ADAMTS16: variants seen among roughly 807,000 people sequenced by gnomAD.
ADAMTS16 encodes the protein ADAM metallopeptidase with thrombospondin type 1 motif 16.
Under a neutral mutation model 145.8 loss-of-function variants are expected in ADAMTS16, and 94 were observed. The ratio of observed to expected loss-of-function variants is 0.64; its 90% CI spans 0.55 to 0.77. The LOEUF is 0.77. ADAMTS16 is among the 30% of genes least tolerant of loss of function. The pLI is 0.00. For missense variants in ADAMTS16, 1,585 were observed against 1,591.5 expected (o/e 1.00, Z 0.07); for synonymous variants, 659 against 604.3 (o/e 1.09, Z -1.33).
intron 3 of ADAMTS16, among the ~76,000 whole-genome samples, chr5:5,173,644 T>G (rs898142702): frequency 6.6e-6 from 1 of 151,998 alleles, no homozygotes; most frequent in African/African-American, 2.4e-5. Flanking sequence ...CAGCTAATTT[T>G]TTGTATTTTT....
chr5:5,240,612 C>G (rs1203453986), intron 16 of ADAMTS16, among the ~76,000 whole-genome samples: 1 of 152,186 alleles, frequency 6.6e-6, no homozygotes, highest in Non-Finnish European at 1.5e-5. Context: ...CCCCATCCAC[C>G]TACACCTTGC....
chr5:5,155,756 C>T (rs921465265), intron 3 of ADAMTS16, among the ~76,000 whole-genome samples: 2 of 152,126 alleles, frequency 1.3e-5, no homozygotes, highest in Admixed American at 1.3e-4. Flanking sequence ...AGGAAGCCCA[C>T]TGGGGACAAA....
chr5:5,274,737 G>T (rs1008338369), intron 18 of ADAMTS16, among the ~76,000 whole-genome samples: 1 of 145,394 alleles, frequency 6.9e-6, no homozygotes, highest in African/African-American at 2.6e-5. Flanking sequence ...TGCACACACA[G>T]ATATATATAT....
intron 3 of ADAMTS16, among the ~76,000 whole-genome samples, chr5:5,175,490 C>A (rs548154542): frequency 6.6e-6 from 1 of 152,294 alleles, no homozygotes; most frequent in South Asian, 2.1e-4. Context: ...CTAACACACT[C>A]ACTCCCTTGG....
Position 5,184,224 on chromosome 5 carries a change from A to G in ADAMTS16, c.764-1828A>G, listed in dbSNP as rs1393509868. Among the ~76,000 whole-genome samples, 6 of 151,760 alleles carry G rather than the reference A, an allele frequency of 4.0e-5. No homozygotes were observed. In the East Asian group the frequency reaches 1.2e-3, roughly 30 times the overall value. ...CTGTGCATGGATGCACTGCACCCCCAGGGCACTGTCACCGATGCATGGATG... is the reference window on the plus strand; with the variant it reads ...CTGTGCATGGATGCACTGCACCCCCGGGGCACTGTCACCGATGCATGGATG... On this transcript the variant is annotated intron_variant, in intron 4 of 22. Coordinates refer to ENST00000274181, the MANE Select transcript of ADAMTS16 (RefSeq NM_139056.4).
intron 2 of ADAMTS16, among the ~76,000 whole-genome samples, chr5:5,141,157 C>A (rs1734158373): frequency 6.6e-6 from 1 of 152,196 alleles, no homozygotes; most frequent in Non-Finnish European, 1.5e-5. Context: ...CGTCCCCAAC[C>A]TTTCCTCCTT....
intron 9 of ADAMTS16, among the ~76,000 whole-genome samples, chr5:5,207,419 G>C (rs1167201240): frequency 6.6e-6 from 1 of 152,078 alleles, no homozygotes; most frequent in Admixed American, 6.5e-5. Flanking sequence ...TAACTTATTA[G>C]TTCCAGGAGT....
chr5:5,227,487 C>G (rs1160001236), intron 11 of ADAMTS16, among the ~76,000 whole-genome samples: 1 of 150,372 alleles, frequency 6.7e-6, no homozygotes, highest in Non-Finnish European at 1.5e-5. Flanking sequence ...TGTTGTGTGC[C>G]TAAAATTAGA....
intron 6 of ADAMTS16, among the ~76,000 whole-genome samples, chr5:5,188,697 G>T (rs1051431564): frequency 6.6e-6 from 1 of 152,144 alleles, no homozygotes; most frequent in Admixed American, 6.5e-5. Flanking sequence ...GATCTAAGAT[G>T]CCTTCGATGT....
intron 17 of ADAMTS16, among the ~76,000 whole-genome samples, chr5:5,259,152 C>T (rs572603905): frequency 1.3e-5 from 2 of 152,326 alleles, no homozygotes; most frequent in South Asian, 4.1e-4. Context: ...CACTTCCTTT[C>T]ACAGTGACTT....
chr5:5,278,346 G>A (rs1269419080), intron 18 of ADAMTS16, among the ~76,000 whole-genome samples: 3 of 152,154 alleles, frequency 2.0e-5, no homozygotes, highest in African/African-American at 7.2e-5. Flanking sequence ...TTGCAGGTGA[G>A]GACTTGGCCT....
At chr5:5,263,170 A>T (rs1738096087) in intron 18 of ADAMTS16, among the ~76,000 whole-genome samples, 1 of 152,212 alleles carries the variant, frequency 6.6e-6, no homozygotes. Flanking sequence ...AAGGCCTGCC[A>T]GTGGGGAAGG....
chr5:5,215,824 G>GTGTGTATATATA (rs1736415163), intron 10 of ADAMTS16, among the ~76,000 whole-genome samples: 3 of 101,976 alleles, frequency 2.9e-5, no homozygotes, highest in Admixed American at 1.2e-4. Flanking sequence ...TATATATGTG[G>GTGTGTATATATA]TATATATATG....
chr5:5,241,612 C>T (rs1005824096), intron 16 of ADAMTS16, among the ~76,000 whole-genome samples: 3 of 152,134 alleles, frequency 2.0e-5, no homozygotes, highest in South Asian at 2.1e-4. Context: ...CAGGGATTTG[C>T]AGGGGATCCC....
intron 12 of ADAMTS16, 22 bp downstream of exon 12, chr5:5,232,538 T>G: frequency 1.2e-6 from 2 of 1,608,362 alleles, no homozygotes; most frequent in Non-Finnish European, 1.7e-6. Flanking sequence ...TTGACCTCCT[T>G]CCTCACAAAC....
chr5:5,316,420 T>C (rs1734060600), intron 21 of ADAMTS16, among the ~76,000 whole-genome samples: 1 of 152,214 alleles, frequency 6.6e-6, no homozygotes, highest in African/African-American at 2.4e-5. Context: ...AACCCTAGCC[T>C]CGTTTGAGCA....
intron 17 of ADAMTS16, among the ~76,000 whole-genome samples, chr5:5,261,390 A>G (rs947591384): frequency 6.6e-6 from 1 of 152,148 alleles, no homozygotes; most frequent in Admixed American, 6.5e-5. Flanking sequence ...CACATGCCTA[A>G]GCCTGTCAAC....
chr5:5,152,311 G>A (rs952049859), intron 3 of ADAMTS16, among the ~76,000 whole-genome samples: 5 of 152,208 alleles, frequency 3.3e-5, no homozygotes, highest in African/African-American at 9.6e-5. Context: ...GGTGGGGATG[G>A]TAACCCCTTG....
chr5:5,298,684 A>G (rs1199377666), intron 18 of ADAMTS16, among the ~76,000 whole-genome samples: 1 of 152,246 alleles, frequency 6.6e-6, no homozygotes, highest in Non-Finnish European at 1.5e-5. Context: ...GGGCACTGCT[A>G]TCTTTAAAGC....
Sources: allele counts gnomAD v4.1 joint callset (sites outside exome capture counted in the v4.1 genomes callset), GRCh38; gene constraint gnomAD v4.1.1; transcripts MANE v1.5; gene names NCBI Gene and HGNC (gene_info 2026-07-23, HGNC 2026-07-21).